Variants in TBC1D5 observed in about 807,000 individuals in gnomAD.
TBC1D5 encodes the protein TBC1 domain family member 5.
TBC1D5 carries 75 observed loss-of-function variants against 100.3 expected under a neutral mutation model. The ratio of observed to expected loss-of-function variants is 0.75; its 90% CI spans 0.62 to 0.91. The LOEUF is 0.91. TBC1D5 is among the 40% of genes least tolerant of loss of function. The probability of loss-of-function intolerance (pLI) is 0.00; values close to 1 mark genes in which losing one functional copy is unlikely to be tolerated. For missense variants in TBC1D5, 910 were observed against 942.4 expected (o/e 0.97, Z 0.45); for synonymous variants, 323 against 325.6 (o/e 0.99, Z 0.09).
intron 15 of TBC1D5, among the ~76,000 whole-genome samples, chr3:17,282,941 G>A (rs146709773): frequency 8.7e-4 from 133 of 152,322 alleles, no homozygotes; most frequent in African/African-American, 3.0e-3. Flanking sequence ...TATTAAGGGC[G>A]ATATAGTCAT....
intron 21 of TBC1D5, among the ~76,000 whole-genome samples, chr3:17,164,484 C>G (rs964309847): frequency 6.6e-6 from 1 of 152,254 alleles, no homozygotes; most frequent in Non-Finnish European, 1.5e-5. Context: ...CCCTCCATAA[C>G]TGGGAGCTCA....
chr3:17,333,174 T>C (rs559161666), intron 13 of TBC1D5: 19 of 152,410 alleles, frequency 1.2e-4, no homozygotes, highest in East Asian at 1.2e-3. Flanking sequence ...GCAATGTATT[T>C]CATATATCCA....
intron 13 of TBC1D5, among the ~76,000 whole-genome samples, chr3:17,313,584 A>G (rs1029043580): frequency 6.6e-6 from 1 of 152,166 alleles, no homozygotes; most frequent in African/African-American, 2.4e-5. Context: ...ATTTTTTGAA[A>G]CCATCATAGA....
chr3:17,564,024 C>T (rs947565472), intron 2 of TBC1D5, among the ~76,000 whole-genome samples: 4 of 152,294 alleles, frequency 2.6e-5, no homozygotes, highest in East Asian at 1.9e-4. Context: ...CCTTGTGATC[C>T]GCCCGCCTTG....
At chr3:17,294,312 T>A (rs984487410) in intron 14 of TBC1D5, among the ~76,000 whole-genome samples, 3 of 152,160 alleles carry the variant, frequency 2.0e-5, no homozygotes, top group Non-Finnish European at 4.4e-5. Flanking sequence ...CTGAAACTCC[T>A]GGGCTCATGC....
intron 1 of TBC1D5, among the ~76,000 whole-genome samples, chr3:17,627,880 C>T (rs1181622816): frequency 1.3e-5 from 2 of 152,048 alleles, no homozygotes; most frequent in African/African-American, 2.4e-5. Flanking sequence ...AACACTGTCA[C>T]GTGCTTTTTA....
intron 17 of TBC1D5, among the ~76,000 whole-genome samples, chr3:17,227,872 G>GA (rs926594344): frequency 1.5e-5 from 2 of 137,824 alleles, no homozygotes; most frequent in African/African-American, 5.5e-5. Context: ...TTTTTTTTAA[G>GA]AAAAAAACTA....
At chr3:17,167,909 T>C in intron 19 of TBC1D5, 81 bp from the exon 21 acceptor site, 1 of 1,041,660 alleles carries the variant, frequency 9.6e-7, no homozygotes, top group Non-Finnish European at 1.4e-6. Flanking sequence ...TCAGACGGGC[T>C]TGGGAAGTTT....
intron 14 of TBC1D5, among the ~76,000 whole-genome samples, chr3:17,298,531 C>A (rs2082492857): frequency 6.6e-6 from 1 of 152,064 alleles, no homozygotes; most frequent in Non-Finnish European, 1.5e-5. Flanking sequence ...AAGGCAGACA[C>A]TGAGTGGCTC....
intron 7 of TBC1D5, among the ~76,000 whole-genome samples, chr3:17,404,453 C>A (rs2093718576): frequency 6.6e-6 from 1 of 151,986 alleles, no homozygotes; most frequent in Non-Finnish European, 1.5e-5. Context: ...ACCCTTAGTT[C>A]TTACAGAATC....
rs187782789 is a variant in TBC1D5 at position 17,725,061 on chromosome 3, A to T, written c.-101+14282T>A. Among the ~76,000 whole-genome samples, 74 of 152,298 alleles carry T rather than the reference A, an allele frequency of 4.9e-4. 1 individual carries two copies. The East Asian group carries it at 9.8e-3, about 20-fold the overall frequency. On this transcript the variant is annotated intron_variant, in intron 1 of 21. Transcript: ENST00000253692. ...CCATCAATAAATACAGTTGTTTTAT[A>T]ATCTCTGTCTGATATTTCCAATATC...
chr3:17,376,888 A>G (rs2092732304), intron 9 of TBC1D5, among the ~76,000 whole-genome samples: 3 of 152,118 alleles, frequency 2.0e-5, no homozygotes, highest in African/African-American at 7.2e-5. Flanking sequence ...ATGGTAGATA[A>G]CCTTGCACCT....
intron 13 of TBC1D5, among the ~76,000 whole-genome samples, chr3:17,344,808 C>A (rs1449524325): frequency 1.3e-5 from 2 of 152,154 alleles, no homozygotes; most frequent in African/African-American, 4.8e-5. Flanking sequence ...GAAAAACAAG[C>A]AATGGAGAAA....
intron 3 of TBC1D5, among the ~76,000 whole-genome samples, chr3:17,439,616 G>A: frequency 6.6e-6 from 1 of 151,866 alleles, no homozygotes; most frequent in East Asian, 1.9e-4. Flanking sequence ...CTACAAAAAT[G>A]TCTTATTTTA....
At position 17,540,617 on chromosome 3, in the gene TBC1D5, T is replaced by C. The variant is rs578256704; in HGVS notation, c.-35-32012A>G. Among the ~76,000 whole-genome samples, 10 of 152,064 alleles carry C rather than the reference T, an allele frequency of 6.6e-5. No individual in the cohort carries two copies. In the South Asian group the frequency reaches 2.1e-3, roughly 32 times the overall value. On this transcript the variant is annotated intron_variant, in intron 2 of 21. Coordinates refer to ENST00000253692, the Ensembl canonical transcript of TBC1D5. ...ATAGTCCTGGTACTCTTGTTAAAAA[T>C]CATTTGACTGGCTGGGCACAGTGGC...
At chr3:17,724,784 T>A (rs767812856) in intron 1 of TBC1D5, among the ~76,000 whole-genome samples, 1 of 152,196 alleles carries the variant, frequency 6.6e-6, no homozygotes, top group Non-Finnish European at 1.5e-5. Context: ...AATATGTGTA[T>A]GTGTGTGTTT....
intron 8 of TBC1D5, among the ~76,000 whole-genome samples, chr3:17,397,932 G>A (rs1205576027): frequency 6.6e-6 from 1 of 152,090 alleles, no homozygotes; most frequent in Non-Finnish European, 1.5e-5. Flanking sequence ...AAGAAAAGAT[G>A]AGACTATTTG....
At chr3:17,196,531 T>C (rs1308293429) in intron 18 of TBC1D5, among the ~76,000 whole-genome samples, 1 of 152,182 alleles carries the variant, frequency 6.6e-6, no homozygotes, top group Non-Finnish European at 1.5e-5. Context: ...GGTGAGACTG[T>C]AAAGGGCCCT....
chr3:17,659,639 A>G (rs1405853304), intron 1 of TBC1D5, among the ~76,000 whole-genome samples: 3 of 152,200 alleles, frequency 2.0e-5, no homozygotes, highest in East Asian at 3.8e-4. Context: ...GGATGAATTG[A>G]CAGGAAAACA....
Sources: allele counts gnomAD v4.1 joint callset (sites outside exome capture counted in the v4.1 genomes callset), GRCh38; gene constraint gnomAD v4.1.1; transcripts MANE v1.5; gene names NCBI Gene and HGNC (gene_info 2026-07-23, HGNC 2026-07-21).